SORCS1: variants seen among roughly 807,000 people sequenced by gnomAD.
The protein encoded by SORCS1 is sortilin related VPS10 domain containing receptor 1, also known as VPS10 domain-containing receptor SorCS1.
SORCS1 carries 60 observed loss-of-function variants against 146.1 expected under a neutral mutation model. The ratio of observed to expected loss-of-function variants is 0.41; its 90% confidence interval spans 0.33 to 0.51. SORCS1 has a LOEUF of 0.51. Among genes scored for constraint, SORCS1 ranks in the 20% least tolerant of loss-of-function variants. The pLI, the probability that SORCS1 is intolerant of heterozygous loss-of-function variation, is 0.21. For missense variants in SORCS1, 1,352 were observed against 1,487.6 expected, an observed-to-expected ratio of 0.91 and a Z score of 1.50; for synonymous variants, 637 against 584.0, an observed-to-expected ratio of 1.09 and a Z score of -1.31.
chr10:107,061,055 T>C (rs564990604), intron 1 of SORCS1, among the ~76,000 whole-genome samples: 1 of 152,296 alleles, frequency 6.6e-6, no homozygotes, highest in Non-Finnish European at 1.5e-5. Flanking sequence ...AGAGCTATGC[T>C]AGTGATGTAT....
intron 21 of SORCS1, 108 bp from the exon 22 acceptor site, chr10:106,612,131 C>T (rs1323985891): frequency 2.0e-5 from 15 of 760,120 alleles, no homozygotes; most frequent in Non-Finnish European, 3.2e-5. Context: ...CTTCACTTAC[C>T]ATAGGGACCT....
intron 4 of SORCS1, among the ~76,000 whole-genome samples, chr10:106,773,543 A>T (rs1860188670): frequency 6.6e-6 from 1 of 152,228 alleles, no homozygotes. Flanking sequence ...CTGGCTATCC[A>T]TGATGTGTTT....
At chr10:106,769,172 G>GA (rs2136308608) in intron 4 of SORCS1, among the ~76,000 whole-genome samples, 1 of 152,232 alleles carries the variant, frequency 6.6e-6, no homozygotes, top group African/African-American at 2.4e-5. Context: ...GCCCTTCTGT[G>GA]AAGGCTCACT....
rs562539083 is a variant in SORCS1 at position 106,662,003 on chromosome 10, G to A, written c.2303+5686C>T. 4.6e-5 allele frequency among the ~76,000 whole-genome samples: 7 copies of A among 152,312 alleles called. No individual in the cohort carries two copies. In the East Asian group the frequency reaches 1.4e-3, roughly 29 times the overall value. ...GGTATGAGAAACCCTGACGCCACTG[G>A]ACCAAGGAGCAGGACTGGTGGTTAC... On this transcript the variant is annotated intron_variant, in intron 17 of 25. Transcript: ENST00000263054.
intron 17 of SORCS1, among the ~76,000 whole-genome samples, chr10:106,664,372 G>A (rs922879383): frequency 6.6e-6 from 1 of 152,192 alleles, no homozygotes; most frequent in Admixed American, 6.5e-5. Flanking sequence ...GCCAGGCGCG[G>A]TGGCTCATGC....
intron 1 of SORCS1, among the ~76,000 whole-genome samples, chr10:107,155,374 T>C (rs780834554): frequency 1.3e-5 from 2 of 152,216 alleles, no homozygotes; most frequent in African/African-American, 2.4e-5. Context: ...CCTAGGGAGT[T>C]TGTAAAATAT....
At chr10:106,792,821 T>C (rs568182336) in intron 3 of SORCS1, among the ~76,000 whole-genome samples, 1 of 152,318 alleles carries the variant, frequency 6.6e-6, no homozygotes, top group South Asian at 2.1e-4. Flanking sequence ...TTTTAATGAA[T>C]ATAATAAATA....
At chr10:106,593,825 C>T (rs1845752348) in intron 24 of SORCS1, among the ~76,000 whole-genome samples, 1 of 152,286 alleles carries the variant, frequency 6.6e-6, no homozygotes, top group African/African-American at 2.4e-5. Context: ...ACCTATACTG[C>T]AAGGGGTTCT....
intron 2 of SORCS1, among the ~76,000 whole-genome samples, chr10:106,952,374 A>G (rs1459548413): frequency 6.6e-6 from 1 of 151,922 alleles, no homozygotes; most frequent in Non-Finnish European, 1.5e-5. Context: ...GCTGTGCTAG[A>G]CAACTCAGAA....
chr10:106,720,288 G>A (rs146798485), intron 6 of SORCS1, among the ~76,000 whole-genome samples: 2 of 152,130 alleles, frequency 1.3e-5, no homozygotes, highest in East Asian at 3.9e-4. Flanking sequence ...ATGAATAATA[G>A]GTCCAGAGTG....
At chr10:106,936,659 C>T (rs1049827348) in intron 2 of SORCS1, among the ~76,000 whole-genome samples, 4 of 152,170 alleles carry the variant, frequency 2.6e-5, no homozygotes, top group African/African-American at 4.8e-5. Flanking sequence ...TTCCTGAACT[C>T]TGATTTCCTC....
intron 1 of SORCS1, among the ~76,000 whole-genome samples, chr10:107,002,408 C>A (rs1305262817): frequency 6.6e-6 from 1 of 152,144 alleles, no homozygotes; most frequent in Non-Finnish European, 1.5e-5. Context: ...AAAGCTCCTA[C>A]CTGAGACTAA....
chr10:106,739,879 A>G (rs2136097041), intron 5 of SORCS1, among the ~76,000 whole-genome samples: 1 of 150,426 alleles, frequency 6.6e-6, no homozygotes, highest in Admixed American at 6.7e-5. Flanking sequence ...GTCAACCCGG[A>G]GGCAGAGCTT....
At chr10:106,912,786 C>T (rs989282470) in intron 2 of SORCS1, among the ~76,000 whole-genome samples, 2 of 152,116 alleles carry the variant, frequency 1.3e-5, no homozygotes, top group African/African-American at 4.8e-5. Flanking sequence ...TCCAGTGAGT[C>T]TCCTGCCTCA....
At chr10:107,134,837 T>C (rs1967146333) in intron 1 of SORCS1, among the ~76,000 whole-genome samples, 1 of 152,188 alleles carries the variant, frequency 6.6e-6, no homozygotes, top group South Asian at 2.1e-4. Flanking sequence ...TTAACTCTCG[T>C]TGCTCAGATG....
In SORCS1 at chr10:106,599,408, G is replaced by A. The variant is rs573614377; in HGVS notation, c.3166-1958C>T. ...AGGAGGAGGAGGAGAAGGAAGGGGA[G>A]GGGAAGGAGAAGGAGAAGTGGAGAA... On this transcript the variant is annotated intron_variant, in intron 23 of 25. Transcript: ENST00000263054. 3.3e-5 allele frequency among the ~76,000 whole-genome samples: 5 copies of A among 151,642 alleles called. No individual in the cohort carries two copies. In the East Asian group the frequency reaches 5.8e-4, roughly 18 times the overall value.
chr10:106,704,303 A>G (rs1854349186), intron 8 of SORCS1, among the ~76,000 whole-genome samples: 1 of 152,230 alleles, frequency 6.6e-6, no homozygotes, highest in Non-Finnish European at 1.5e-5. Context: ...GTATAATATA[A>G]AAAAGTACTA....
intron 10 of SORCS1, 144 bp from the exon 11 acceptor site, chr10:106,679,878 C>G (rs1852308035): frequency 3.2e-6 from 2 of 620,458 alleles, no homozygotes; most frequent in South Asian, 3.7e-5. Context: ...TGTATCTATA[C>G]CTACCCAACA....
At chr10:106,922,258 A>G (rs1443125378) in intron 2 of SORCS1, among the ~76,000 whole-genome samples, 1 of 152,170 alleles carries the variant, frequency 6.6e-6, no homozygotes, top group East Asian at 1.9e-4. Flanking sequence ...ACCACTGAGC[A>G]CTAACATAGA....
Sources: allele counts gnomAD v4.1 joint callset (sites outside exome capture counted in the v4.1 genomes callset), GRCh38; gene constraint gnomAD v4.1.1; transcripts MANE v1.5; gene names NCBI Gene and HGNC (gene_info 2026-07-23, HGNC 2026-07-21).